Variants in WDR7 observed in about 807,000 individuals in gnomAD.
The protein encoded by WDR7 is WD repeat-containing protein 7.
A neutral mutation model predicts 169.4 loss-of-function variants in WDR7; 46 were observed. The observed-to-expected ratio is 0.27, with a 90% CI of 0.21 to 0.35. WDR7 has a LOEUF of 0.35. WDR7 is among the 10% of genes least tolerant of loss of function. The pLI is 1.00. For missense variants in WDR7, 1,534 were observed against 1,859.3 expected (o/e 0.83, Z 3.22); for synonymous variants, 612 against 666.8 (o/e 0.92, Z 1.27).
At chr18:56,998,765 CTT>C (rs1328705517) in intron 26 of WDR7, among the ~76,000 whole-genome samples, 1 of 151,962 alleles carries the variant, frequency 6.6e-6, no homozygotes, top group African/African-American at 2.4e-5. Context: ...AAGGAATAGT[CTT>C]TTTTTGTGGG....
chr18:56,923,719 T>C (rs1180212928), intron 21 of WDR7, among the ~76,000 whole-genome samples: 1 of 152,226 alleles, frequency 6.6e-6, no homozygotes, highest in Non-Finnish European at 1.5e-5. Context: ...TAGAATATGG[T>C]ATAAAACAAT....
chr18:56,727,483 C>G (rs1175065443), intron 13 of WDR7, among the ~76,000 whole-genome samples: 31 of 152,044 alleles, frequency 2.0e-4, no homozygotes, highest in Admixed American at 2.0e-3. Flanking sequence ...CCTCAGGAAA[C>G]TTACAATCAT....
chr18:56,957,020 G>T (rs2047260420), intron 25 of WDR7, among the ~76,000 whole-genome samples: 1 of 152,138 alleles, frequency 6.6e-6, no homozygotes, highest in Admixed American at 6.6e-5. Flanking sequence ...ATGCTTTGAT[G>T]CAGCTTTGGT....
intron 13 of WDR7, among the ~76,000 whole-genome samples, chr18:56,727,377 G>A (rs1049505783): frequency 2.0e-5 from 3 of 151,634 alleles, no homozygotes; most frequent in African/African-American, 7.3e-5. Context: ...CTCTGTATTA[G>A]TCCATTCTCA....
intron 21 of WDR7, among the ~76,000 whole-genome samples, chr18:56,916,754 G>A (rs1378987527): frequency 2.6e-5 from 4 of 152,130 alleles, no homozygotes; most frequent in East Asian, 1.9e-4. Flanking sequence ...CTGTTTGTGT[G>A]TATGTGTGTA....
intron 27 of WDR7, among the ~76,000 whole-genome samples, chr18:57,023,221 G>A (rs954828993): frequency 1.5e-4 from 23 of 152,180 alleles, no homozygotes; most frequent in Admixed American, 3.3e-4. Flanking sequence ...TAGATCTACT[G>A]CTGCTCTCCC....
intron 21 of WDR7, among the ~76,000 whole-genome samples, chr18:56,919,817 GAGA>G (rs1316740356): frequency 6.6e-6 from 1 of 152,120 alleles, no homozygotes; most frequent in Non-Finnish European, 1.5e-5. Context: ...GGCTGGGGAT[GAGA>G]AGATCAGAAT....
chr18:56,754,555 C>T (rs942678858), intron 14 of WDR7, among the ~76,000 whole-genome samples: 7 of 151,756 alleles, frequency 4.6e-5, no homozygotes, highest in East Asian at 3.9e-4. Flanking sequence ...CACGCGTGTG[C>T]GTGTACGTGT....
chr18:56,720,724 A>T (rs1404488090), intron 13 of WDR7, among the ~76,000 whole-genome samples: 1 of 152,194 alleles, frequency 6.6e-6, no homozygotes, highest in African/African-American at 2.4e-5. Flanking sequence ...GGAAATGACA[A>T]ATAGGCCCTA....
intron 26 of WDR7, among the ~76,000 whole-genome samples, chr18:56,995,567 A>C (rs1312080003): frequency 6.6e-6 from 1 of 152,114 alleles, no homozygotes; most frequent in Non-Finnish European, 1.5e-5. Context: ...CTATTTTTGA[A>C]CTTTTCCTAG....
At chr18:56,788,503 T>G (rs1170048377) in intron 19 of WDR7, among the ~76,000 whole-genome samples, 1 of 152,026 alleles carries the variant, frequency 6.6e-6, no homozygotes, top group Non-Finnish European at 1.5e-5. Flanking sequence ...AAAATAAGAG[T>G]AAACTGGCTA....
At chr18:57,012,877 A>G (rs2048156578) in intron 26 of WDR7, among the ~76,000 whole-genome samples, 1 of 152,158 alleles carries the variant, frequency 6.6e-6, no homozygotes, top group South Asian at 2.1e-4. Flanking sequence ...CTCATCTATG[A>G]GGTGGGGAAT....
intron 1 of WDR7, among the ~76,000 whole-genome samples, chr18:56,652,924 C>T (rs2024686037): frequency 6.6e-6 from 1 of 152,030 alleles, no homozygotes; most frequent in South Asian, 2.1e-4. Context: ...ACCCTTGTAT[C>T]TTACAGTTTC....
chr18:57,002,666 G>A (rs2048000632), intron 26 of WDR7, among the ~76,000 whole-genome samples: 1 of 152,158 alleles, frequency 6.6e-6, no homozygotes, highest in African/African-American at 2.4e-5. Flanking sequence ...TTACAAACGT[G>A]TAAAATGTTC....
At position 56,720,143 on chromosome 18, in the gene WDR7, A is replaced by G. The variant is rs563215742; in HGVS notation, c.1774+1984A>G. 6.6e-5 allele frequency among the ~76,000 whole-genome samples: 10 copies of G among 152,280 alleles called. No individual in the cohort carries two copies. The South Asian group carries it at 1.9e-3, about 28-fold the overall frequency. On this transcript the variant is annotated intron_variant, in intron 13 of 27. Coordinates refer to ENST00000254442, the MANE Select transcript of WDR7 (RefSeq NM_015285.3). ...AATAATGGCATTTGCAAGACACTGT[A>G]TTAAAATACTATCAATATTAAGACT... is the stretch of plus-strand genomic sequence containing the variant.
chr18:56,935,662 A>G, intron 22 of WDR7, 126 bp from the exon 23 acceptor site: 1 of 845,324 alleles, frequency 1.2e-6, no homozygotes, highest in Non-Finnish European at 2.0e-6. Context: ...TTGCAAGTCC[A>G]TTATATTCTA....
chr18:56,684,663 T>G (rs567531), intron 5 of WDR7, among the ~76,000 whole-genome samples: 144,267 of 152,216 alleles, frequency 0.95, 68,836 homozygotes, highest in East Asian at 1. Flanking sequence ...ACTGTCGGAA[T>G]AGTGGATGCA....
intron 21 of WDR7, among the ~76,000 whole-genome samples, chr18:56,897,533 A>G (rs2046346491): frequency 6.6e-6 from 1 of 152,032 alleles, no homozygotes; most frequent in Non-Finnish European, 1.5e-5. Context: ...ACAACTCAGA[A>G]CAATGATTAC....
At chr18:56,703,676 A>G (rs993019636) in intron 12 of WDR7, among the ~76,000 whole-genome samples, 1 of 152,100 alleles carries the variant, frequency 6.6e-6, no homozygotes, top group Non-Finnish European at 1.5e-5. Context: ...ATTAAATAAT[A>G]CATAGTTATA....
Sources: allele counts gnomAD v4.1 joint callset (sites outside exome capture counted in the v4.1 genomes callset), GRCh38; gene constraint gnomAD v4.1.1; transcripts MANE v1.5; gene names NCBI Gene and HGNC (gene_info 2026-07-23, HGNC 2026-07-21).